KIAA1210: variants seen among roughly 807,000 people sequenced by gnomAD.
KIAA1210 encodes the protein acrosomal protein KIAA1210.
KIAA1210 carries 48 observed loss-of-function variants against 78.9 expected under a neutral mutation model. The observed-to-expected ratio is 0.61, with a 90% CI of 0.48 to 0.77. KIAA1210 has a LOEUF of 0.77. KIAA1210 is among the 30% of genes least tolerant of loss of function. The pLI is 0.00. For missense variants in KIAA1210, 1,108 were observed against 1,100.0 expected (o/e 1.01, Z -0.10); for synonymous variants, 406 against 404.5 (o/e 1.00, Z -0.04).
rs3049064 is a variant in KIAA1210, at chrX:119,092,759, TTAAATAAA to T, written c.955+900_955+907del. ...CTGGGTGACAGAGTGAGACTCCGTC[TTAAATAAA>T]TAAATAAATAAATAAATAAATAAAT... On this transcript the variant is annotated intron_variant, in intron 8 of 11. Coordinates refer to ENST00000691062, the MANE Select transcript of KIAA1210 (RefSeq NM_001394962.1). 2.2e-3 allele frequency among the ~76,000 whole-genome samples: 190 copies of T among 85,316 alleles called. 3 individuals carry two copies. The highest frequency in any genetic ancestry group is 0.017 in the Middle Eastern group (3 of 173). The allele number at this position is 85,316 out of a possible 115,157, so 74.1% of individuals were successfully genotyped here. A position where few individuals can be genotyped will look rare whatever the true frequency, so the allele number is the denominator to read the frequency against.
intron 8 of KIAA1210, among the ~76,000 whole-genome samples, chrX:119,090,038 T>G (rs1927320065): frequency 8.9e-6 from 1 of 111,769 alleles, no homozygotes; most frequent in East Asian, 2.8e-4. Flanking sequence ...AGGCAAATTT[T>G]GAACCTGTAA....
At chrX:119,129,826 C>A (rs1928747855), upstream of KIAA1210, among the ~76,000 whole-genome samples, 1 of 111,749 alleles carries the variant, frequency 8.9e-6, no homozygotes, top group South Asian at 3.8e-4. Flanking sequence ...TTCCTACTTT[C>A]CAGCCACCAC....
chrX:119,094,166 C>T, intron 7 of KIAA1210: 2 of 649,632 alleles, frequency 3.1e-6, no homozygotes, highest in Non-Finnish European at 4.9e-6. Context: ...CGATTTGCTT[C>T]ACCAGACCTG....
intron 11 of KIAA1210, 50 bp from the exon 12 acceptor site, chrX:119,081,554 TG>T (rs1926969266): frequency 9.1e-7 from 1 of 1,104,715 alleles, no homozygotes; most frequent in Non-Finnish European, 1.2e-6. Context: ...CCAGCGATAT[TG>T]GGGTATGTTG....
chrX:119,146,412 T>C (rs1177604612), intron 2 of KIAA1210, among the ~76,000 whole-genome samples: 1 of 111,979 alleles, frequency 8.9e-6, no homozygotes, highest in Non-Finnish European at 1.9e-5. Flanking sequence ...CTTTTCCAGA[T>C]TGTTCATATA....
intron 2 of KIAA1210, among the ~76,000 whole-genome samples, chrX:119,140,998 A>T (rs1231293989): frequency 8.9e-6 from 1 of 112,487 alleles, no homozygotes; most frequent in East Asian, 2.8e-4. Flanking sequence ...TCACAAATGA[A>T]CAGTGAACTA....
At chrX:119,144,157 C>A (rs1929113175) in intron 2 of KIAA1210, among the ~76,000 whole-genome samples, 1 of 112,106 alleles carries the variant, frequency 8.9e-6, no homozygotes, top group South Asian at 3.7e-4. Context: ...CCATATAGTG[C>A]TCTGGCTTCC....
At chrX:119,134,075 TTCTA>T (rs901181324) in intron 2 of KIAA1210, among the ~76,000 whole-genome samples, 2 of 111,393 alleles carry the variant, frequency 1.8e-5, no homozygotes, top group African/African-American at 6.5e-5. Flanking sequence ...AACTGATTCT[TTCTA>T]TCTAACTGTA....
Position 119,104,944 on chromosome X carries a change from G to T in KIAA1210, c.648+48C>A, listed in dbSNP as rs371951570. The T allele has an allele frequency of 1.8e-3, 2,020 of 1,104,798 alleles. 2 individuals carry two copies. Among genetic ancestry groups the T allele is most frequent in the Non-Finnish European group, 2.3e-3 (1,892 of 819,709 alleles). The allele number at this position is 1,104,798 out of a possible 1,213,427, so 91.0% of individuals were successfully genotyped here. A position where few individuals can be genotyped will look rare whatever the true frequency, so the allele number is the denominator to read the frequency against. ...AATAGATGATACAAGAAGAAGTTAT[G>T]CCTCTGATCTGTGAGGCCCCTCAAC... On this transcript the variant is annotated intron_variant, in intron 6 of 11. Transcript: ENST00000691062.
rs1928529326 is a variant in KIAA1210 at position 119,123,564 on chromosome X, T to C, written c.61+18A>G. 1.7e-6 allele frequency: 2 copies of C among 1,152,320 alleles called. No individual in the cohort carries two copies. Among genetic ancestry groups the C allele is most frequent in the Non-Finnish European group, 2.4e-6 (2 of 846,280 alleles). 95.0% of individuals were successfully genotyped at this position (1,152,320 alleles called of 1,213,427 possible). Reference sequence around the variant, plus strand: ...ACAAATCTAATTCTGGTTATCAAAGTTTTATTGGGTTACTTACCCTCATCA... The same window carrying C: ...ACAAATCTAATTCTGGTTATCAAAGCTTTATTGGGTTACTTACCCTCATCA... On this transcript the variant is annotated intron_variant, in intron 2 of 11. Coordinates refer to ENST00000691062, the MANE Select transcript of KIAA1210 (RefSeq NM_001394962.1).
chrX:119,088,297 A>G lies in KIAA1210; in HGVS notation c.2405T>C (p.Met802Thr). ...KSMAVEESISMKPLPPKLLCQ... is the reference protein window; with the variant it reads ...KSMAVEESISTKPLPPKLLCQ... ...AAGAAGTTTAGGAGGCAGAGGCTTC[A>G]TAGAAATGCTCTCTTCAACAGCCAT... The change falls in exon 9 of 12, where the codon ATG (methionine) becomes ACG (threonine). Residue 802 changes from methionine (M) to threonine (T), a missense_variant. Coordinates refer to ENST00000691062, the MANE Select transcript of KIAA1210 (RefSeq NM_001394962.1). The G allele has an allele frequency of 8.3e-7, 1 of 1,211,485 alleles. No homozygotes were observed. Among genetic ancestry groups the G allele is most frequent in the Non-Finnish European group, 1.1e-6 (1 of 895,305 alleles).
chrX:119,096,753 G>A (rs1927571327), intron 6 of KIAA1210, 62 bp from the exon 7 acceptor site: 1 of 868,439 alleles, frequency 1.2e-6, no homozygotes. Context: ...CTCAAAAGTT[G>A]GATATTCTTC....
intron 7 of KIAA1210, among the ~76,000 whole-genome samples, chrX:119,095,434 G>T (rs1446024332): frequency 9.0e-6 from 1 of 110,797 alleles, no homozygotes; most frequent in Non-Finnish European, 1.9e-5. Context: ...TCTTGTCCAG[G>T]CTATAGTGCA....
intron 2 of KIAA1210, among the ~76,000 whole-genome samples, chrX:119,118,525 G>A (rs1487249958): frequency 8.9e-6 from 1 of 112,483 alleles, no homozygotes. Flanking sequence ...ATCTCCCAAT[G>A]TATGTAAGCG....
At chrX:119,099,984 T>C (rs976960808) in intron 6 of KIAA1210, among the ~76,000 whole-genome samples, 1 of 111,180 alleles carries the variant, frequency 9.0e-6, no homozygotes, top group African/African-American at 3.3e-5. Flanking sequence ...TTTTGGGAAG[T>C]GTGGCTCCTT....
intron 9 of KIAA1210, 37 bp from the exon 10 acceptor site, chrX:119,085,583 G>A (rs1927105836): frequency 2.6e-6 from 3 of 1,160,320 alleles, no homozygotes; most frequent in Non-Finnish European, 3.5e-6. Flanking sequence ...ACTGAAGCAA[G>A]GCAGGCAGGG....
chrX:119,140,531 T>TAAAAAA (rs5903548), intron 2 of KIAA1210, among the ~76,000 whole-genome samples: 2 of 62,658 alleles, frequency 3.2e-5, no homozygotes, highest in Admixed American at 2.1e-4. Context: ...GACTCTTTCT[T>TAAAAAA]AAAAAAAAAA....
At position 119,087,911 on chromosome X, in the gene KIAA1210, T is replaced by C. The variant is rs758281863; in HGVS notation, c.2791A>G (p.Thr931Ala). The C allele has an allele frequency of 8.3e-7, 1 of 1,211,907 alleles. No individual in the cohort carries two copies. Among genetic ancestry groups the C allele is most frequent in the Non-Finnish European group, 1.1e-6 (1 of 895,469 alleles). ...LYQLSAHPES[T>A]TVEEDISKEQ... ...TTAGAAATGTCCTCTTCAACAGTAGTGCTTTCTGGATGTGCAGAGAGTTGA... is the reference window on the plus strand; with the variant it reads ...TTAGAAATGTCCTCTTCAACAGTAGCGCTTTCTGGATGTGCAGAGAGTTGA... Residue 931 changes from threonine (T) to alanine (A), a missense_variant, in exon 9 of 12, where the codon ACT (threonine) becomes GCT (alanine). Physicochemically the swap from Thr to Ala is moderately conservative, Grantham distance 58. Coordinates refer to ENST00000691062, the MANE Select transcript of KIAA1210 (RefSeq NM_001394962.1).
upstream of KIAA1210, among the ~76,000 whole-genome samples, chrX:119,132,041 T>A (rs1396364003): frequency 1.8e-5 from 2 of 111,797 alleles, no homozygotes; most frequent in African/African-American, 6.5e-5. Flanking sequence ...CTAGCCTGGG[T>A]GACAGAGTGA....
Sources: gnomAD v4.1 joint callset for allele counts (sites outside exome capture counted in the v4.1 genomes callset) on GRCh38, gnomAD v4.1.1 for gene constraint, MANE v1.5 for transcripts, NCBI Gene and HGNC (gene_info 2026-07-23, HGNC 2026-07-21) for gene names.